GAB2: variants seen among roughly 807,000 people sequenced by gnomAD.
GAB2 encodes GRB2-associated-binding protein 2.
Under a neutral mutation model 65.5 loss-of-function variants are expected in GAB2, and 26 were observed. The observed-to-expected ratio is 0.40, with a 90% CI of 0.29 to 0.55. The LOEUF (loss-of-function observed/expected upper bound fraction) is 0.55, where lower values mean the gene tolerates loss of function less well. Ranked by LOEUF, GAB2 falls within the 20% of genes least tolerant of loss-of-function variation. The pLI is 0.53. For missense variants in GAB2, 884 were observed against 875.8 expected (o/e 1.01, Z -0.12); for synonymous variants, 321 against 329.6 (o/e 0.97, Z 0.28).
At chr11:78,396,977 C>G (rs758385982) in intron 1 of GAB2, among the ~76,000 whole-genome samples, 9 of 152,034 alleles carry the variant, frequency 5.9e-5, no homozygotes, top group Non-Finnish European at 1.0e-4. Context: ...ATATACATAG[C>G]ACATATAAAT....
In GAB2 at chr11:78,261,773, CAG is replaced by C. The variant is rs1170128531; in HGVS notation, c.377-11375_377-11374del. ...TATGCTTTATGAGCTTACATGCAGT[CAG>C]AAAGAACAAATTTATACTCGGAGGA... On this transcript the variant is annotated intron_variant, in intron 2 of 9. Transcript: ENST00000361507. Among the ~76,000 whole-genome samples, 3 of 152,158 alleles carry C rather than the reference CAG, an allele frequency of 2.0e-5. No individual in the cohort carries two copies. The East Asian group carries it at 5.8e-4, about 29-fold the overall frequency.
chr11:78,247,558 T>C (rs1374848578), intron 3 of GAB2, among the ~76,000 whole-genome samples: 1 of 152,216 alleles, frequency 6.6e-6, no homozygotes, highest in Non-Finnish European at 1.5e-5. Context: ...TCTGGCATTT[T>C]CTCATTGTAT....
At chr11:78,237,617 TG>T (rs1291152537) in intron 3 of GAB2, among the ~76,000 whole-genome samples, 4 of 151,858 alleles carry the variant, frequency 2.6e-5, no homozygotes, top group Admixed American at 6.6e-5. Flanking sequence ...CCTAAAAACT[TG>T]TGGGGAAAAA....
At chr11:78,334,588 T>G (rs1468663131) in intron 1 of GAB2, among the ~76,000 whole-genome samples, 1 of 152,250 alleles carries the variant, frequency 6.6e-6, no homozygotes, top group Non-Finnish European at 1.5e-5. Flanking sequence ...TGAGAGGATC[T>G]CATTCTTTTT....
intron 1 of GAB2, among the ~76,000 whole-genome samples, chr11:78,311,675 A>G (rs1279362151): frequency 6.6e-6 from 1 of 152,164 alleles, no homozygotes; most frequent in Non-Finnish European, 1.5e-5. Context: ...TGCTTATTAT[A>G]TTGCTTTTAA....
In GAB2 at chr11:78,216,621, A is replaced by AG. The variant is rs1029808217; in HGVS notation, c.*2650dup. On this transcript the variant is annotated 3_prime_UTR_variant, in exon 10 of 10. Transcript: ENST00000361507. ...GAAGCCTCCTGGTAGTTACCAGAATAGGGGGCTGGAAGGAAGCCTCCTGGG... is the reference window on the plus strand; with the variant it reads ...GAAGCCTCCTGGTAGTTACCAGAATAGGGGGGCTGGAAGGAAGCCTCCTGGG... 6.6e-6 allele frequency: 1 copy of AG among 152,204 alleles called. No homozygotes were observed. Among genetic ancestry groups the AG allele is most frequent in the African/African-American group, 2.4e-5 (1 of 41,436 alleles). 9.4% of individuals were successfully genotyped at this position (152,204 alleles called of 1,614,324 possible).
rs538104703 is a variant in GAB2, at chr11:78,292,544, T to G, written c.76-11643A>C. ...AAACAAACACAAAGACACAGGGGAA[T>G]CTGATCTCACTTCTGAACATATGAT... On this transcript the variant is annotated intron_variant, in intron 1 of 9. Transcript: ENST00000361507. Among the ~76,000 whole-genome samples, 37 of 152,352 alleles carry G rather than the reference T, an allele frequency of 2.4e-4. No homozygotes were observed. In the Middle Eastern group the frequency reaches 0.01, roughly 42 times the overall value.
intron 2 of GAB2, among the ~76,000 whole-genome samples, chr11:78,276,486 G>A (rs1330737530): frequency 6.6e-6 from 1 of 152,156 alleles, no homozygotes; most frequent in Non-Finnish European, 1.5e-5. Flanking sequence ...AGCTGGTGGT[G>A]TATGTGTCGC....
At chr11:78,270,059 T>C (rs1865972220) in intron 2 of GAB2, among the ~76,000 whole-genome samples, 1 of 152,150 alleles carries the variant, frequency 6.6e-6, no homozygotes, top group African/African-American at 2.4e-5. Context: ...GAGGTTAATA[T>C]CGATGTACAG....
intron 3 of GAB2, among the ~76,000 whole-genome samples, chr11:78,229,361 A>G (rs969314132): frequency 2.0e-5 from 3 of 152,148 alleles, no homozygotes; most frequent in African/African-American, 4.8e-5. Context: ...CTGAGAGAAG[A>G]CACTGGAGGC....
chr11:78,371,411 A>G (rs1033319079), intron 1 of GAB2, among the ~76,000 whole-genome samples: 6 of 152,196 alleles, frequency 3.9e-5, no homozygotes, highest in Admixed American at 2.0e-4. Flanking sequence ...GTGAAGATTA[A>G]ATGAGCTAAG....
intron 2 of GAB2, among the ~76,000 whole-genome samples, chr11:78,253,772 C>T (rs536817953): frequency 6.6e-6 from 1 of 152,282 alleles, no homozygotes; most frequent in African/African-American, 2.4e-5. Flanking sequence ...TCATTAAGCC[C>T]AGTGTGTGAC....
rs1012200425 is a variant in GAB2, at chr11:78,217,434, A to C, written c.*1838T>G. On this transcript the variant is annotated 3_prime_UTR_variant, in exon 10 of 10. Transcript: ENST00000361507. ...CTTCTTCCAGGATGGGACTTAGAGA[A>C]TGGCTAGGCCATTGGTCTGGTGAAC... is the stretch of plus-strand genomic sequence containing the variant. 6.6e-6 allele frequency: 1 copy of C among 152,272 alleles called. No homozygotes were observed. The highest frequency in any genetic ancestry group is 1.5e-5 in the Non-Finnish European group (1 of 68,106). 9.4% of individuals were successfully genotyped at this position (152,272 alleles called of 1,614,324 possible). A position where few individuals can be genotyped will look rare whatever the true frequency, so the allele number is the denominator to read the frequency against.
At chr11:78,309,996 G>A (rs1351309197) in intron 1 of GAB2, among the ~76,000 whole-genome samples, 1 of 151,494 alleles carries the variant, frequency 6.6e-6, no homozygotes, top group Non-Finnish European at 1.5e-5. Context: ...GTGTGTGGTG[G>A]TGGCAGTGGT....
intron 1 of GAB2, among the ~76,000 whole-genome samples, chr11:78,342,712 C>G (rs751499330): frequency 6.6e-6 from 1 of 152,092 alleles, no homozygotes; most frequent in African/African-American, 2.4e-5. Flanking sequence ...CTGGCCTGCA[C>G]TTCTTGTTAG....
chr11:78,271,712 G>A (rs1866012565), intron 2 of GAB2, among the ~76,000 whole-genome samples: 1 of 152,182 alleles, frequency 6.6e-6, no homozygotes, highest in Non-Finnish European at 1.5e-5. Context: ...AAAAAAGGTA[G>A]TCAGGCACAG....
At chr11:78,317,973 T>C (rs569685460) in intron 1 of GAB2, among the ~76,000 whole-genome samples, 7 of 152,344 alleles carry the variant, frequency 4.6e-5, no homozygotes, top group African/African-American at 1.7e-4. Flanking sequence ...AAGAAAAAGA[T>C]ATTCTGGAGC....
At chr11:78,253,135 T>C (rs1209653956) in intron 2 of GAB2, among the ~76,000 whole-genome samples, 1 of 150,208 alleles carries the variant, frequency 6.7e-6, no homozygotes, top group East Asian at 2.0e-4. Flanking sequence ...CTCAGCCTCC[T>C]GAGTAGCTGC....
chr11:78,244,246 G>A (rs1476321631), intron 3 of GAB2, among the ~76,000 whole-genome samples: 1 of 151,954 alleles, frequency 6.6e-6, no homozygotes, highest in East Asian at 1.9e-4. Flanking sequence ...AGAAAAATTG[G>A]CCAGGCATGG....
Sources: allele counts gnomAD v4.1 joint callset (sites outside exome capture counted in the v4.1 genomes callset), GRCh38; gene constraint gnomAD v4.1.1; transcripts MANE v1.5; gene names NCBI Gene and HGNC (gene_info 2026-07-23, HGNC 2026-07-21).